CUX1: variants seen among roughly 807,000 people sequenced by gnomAD.
CUX1 encodes the protein protein CASP.
Under a neutral mutation model 158.8 loss-of-function variants are expected in CUX1, and 31 were observed. The observed-to-expected ratio is 0.20, with a 90% CI of 0.15 to 0.26. The LOEUF (loss-of-function observed/expected upper bound fraction) is 0.26. CUX1 is among the 10% of genes least tolerant of loss of function. The pLI is 1.00. For missense variants in CUX1, 1,589 were observed against 2,014.6 expected (o/e 0.79, Z 4.04); for synonymous variants, 879 against 862.1 (o/e 1.02, Z -0.34).
At chr7:101,824,219 G>C (rs926922504) in intron 1 of CUX1, among the ~76,000 whole-genome samples, 6 of 152,148 alleles carry the variant, frequency 3.9e-5, no homozygotes, top group African/African-American at 1.4e-4. Flanking sequence ...CCCCCGAGTA[G>C]CTGTGATTAC....
chr7:102,199,334 T>G (rs929964332), intron 16 of CUX1, among the ~76,000 whole-genome samples: 1 of 152,240 alleles, frequency 6.6e-6, no homozygotes, highest in South Asian at 2.1e-4. Context: ...GGTGGTATAC[T>G]TGTTTTGAAT....
chr7:101,989,194 C>T (rs1039796202), intron 2 of CUX1, among the ~76,000 whole-genome samples: 1 of 152,098 alleles, frequency 6.6e-6, no homozygotes, highest in African/African-American at 2.4e-5. Context: ...CTCATCCTGC[C>T]CGACTCTGTA....
rs1393488541 is a variant in CUX1 at position 101,931,090 on chromosome 7, C to T, written c.141+14865C>T. On this transcript the variant is annotated intron_variant, in intron 2 of 23. Transcript: ENST00000292535. ...CAGCCTGGATTTCAGAGCGAGACTCCGAGGTTCTGTGTGGCTGAGAGCCAC... is the reference window on the plus strand; with the variant it reads ...CAGCCTGGATTTCAGAGCGAGACTCTGAGGTTCTGTGTGGCTGAGAGCCAC... 2.0e-5 allele frequency among the ~76,000 whole-genome samples: 3 copies of T among 152,080 alleles called. No individual in the cohort carries two copies. The East Asian group carries it at 5.8e-4, about 29-fold the overall frequency.
At chr7:101,818,674 A>T (rs989571629) in intron 1 of CUX1, among the ~76,000 whole-genome samples, 1 of 152,104 alleles carries the variant, frequency 6.6e-6, no homozygotes, top group Non-Finnish European at 1.5e-5. Flanking sequence ...GTTGCTAACG[A>T]TTTGGCCTTA....
intron 22 of CUX1, 104 bp from the exon 23 acceptor site, chr7:102,239,216 A>C (rs1554533889): frequency 5.2e-6 from 7 of 1,340,132 alleles, no homozygotes; most frequent in Non-Finnish European, 3.0e-6. Context: ...TGCTCTATGC[A>C]AAGTCCTGCA....
At chr7:102,130,676 A>G (rs1244236517) in intron 8 of CUX1, among the ~76,000 whole-genome samples, 1 of 152,154 alleles carries the variant, frequency 6.6e-6, no homozygotes, top group Non-Finnish European at 1.5e-5. Context: ...GCAAGACTCC[A>G]TCTTATAAAA....
intron 8 of CUX1, among the ~76,000 whole-genome samples, chr7:102,121,386 C>T (rs1165122980): frequency 1.4e-5 from 2 of 145,232 alleles, no homozygotes; most frequent in African/African-American, 5.2e-5. Context: ...CGCTCTATTG[C>T]CCAGGCTGGA....
rs558718467 is a variant in CUX1 at position 102,249,819 on chromosome 7, G to C, written c.*777G>C. On this transcript the variant is annotated 3_prime_UTR_variant, in exon 24 of 24. Transcript: ENST00000292535. ...ATATTTTCAAGAAAAGAATCTTCTC[G>C]TTTGAAACTTTGAATTAAAATAAAA... 2 of 985,552 alleles carry C rather than the reference G, an allele frequency of 2.0e-6. No individual in the cohort carries two copies. Among genetic ancestry groups the C allele is most frequent in the South Asian group, 9.4e-5 (2 of 21,286 alleles). The allele number at this position is 985,552 out of a possible 1,614,324, so 61.1% of individuals were successfully genotyped here.
chr7:102,115,316 C>T, intron 8 of CUX1, 43 bp downstream of exon 8: 1 of 1,570,796 alleles, frequency 6.4e-7, no homozygotes, highest in Non-Finnish European at 8.7e-7. Flanking sequence ...ACACATTTCT[C>T]ACCTGATTTT....
At chr7:101,912,314 G>C (rs1803586921) in intron 1 of CUX1, among the ~76,000 whole-genome samples, 1 of 149,394 alleles carries the variant, frequency 6.7e-6, no homozygotes, top group African/African-American at 2.5e-5. Context: ...AGAAACAGCT[G>C]TTGTTTTGAC....
chr7:102,022,700 T>C (rs10274188), intron 2 of CUX1, among the ~76,000 whole-genome samples: 18,651 of 152,232 alleles, frequency 0.12, 1,216 homozygotes, highest in Non-Finnish European at 0.15. Flanking sequence ...TTATTTGCTG[T>C]GTACTCAAAG....
intron 4 of CUX1, among the ~76,000 whole-genome samples, chr7:102,079,105 C>G (rs1554477611): frequency 6.6e-6 from 1 of 152,146 alleles, no homozygotes; most frequent in Non-Finnish European, 1.5e-5. Context: ...CTGCCTGCCC[C>G]TCACTCAAAG....
chr7:102,172,376 GA>G (rs1207301955), intron 10 of CUX1, among the ~76,000 whole-genome samples: 2 of 150,916 alleles, frequency 1.3e-5, no homozygotes, highest in Non-Finnish European at 3.0e-5. Flanking sequence ...GCCACTGCGG[GA>G]TCTCACTCGG....
At chr7:102,238,197 A>C (rs1393250146) in intron 22 of CUX1, among the ~76,000 whole-genome samples, 1 of 151,886 alleles carries the variant, frequency 6.6e-6, no homozygotes, top group African/African-American at 2.4e-5. Flanking sequence ...TCCCCCGGGG[A>C]AAGGGATACT....
chr7:101,914,900 G>A (rs1208489230), intron 1 of CUX1, among the ~76,000 whole-genome samples: 2 of 152,190 alleles, frequency 1.3e-5, no homozygotes, highest in Admixed American at 1.3e-4. Context: ...CTTGTAACGT[G>A]TAGGTTTGCT....
intron 2 of CUX1, among the ~76,000 whole-genome samples, chr7:102,019,898 G>A (rs762740915): frequency 1.1e-4 from 16 of 152,174 alleles, no homozygotes; most frequent in South Asian, 2.1e-4. Flanking sequence ...CAAAAGCAGC[G>A]TGGCGGGTTA....
At position 101,956,717 on chromosome 7, in the gene CUX1, C is replaced by T. The variant is rs541337968; in HGVS notation, c.141+40492C>T. Among the ~76,000 whole-genome samples the T allele has an allele frequency of 7.2e-5, 11 of 152,330 alleles. No homozygotes were observed. The South Asian group carries it at 2.1e-3, about 29-fold the overall frequency. On this transcript the variant is annotated intron_variant, in intron 2 of 23. Coordinates refer to ENST00000292535, the MANE Select transcript of CUX1 (RefSeq NM_181552.4). ...ATCCCAGCACTTTGGGAGGCCGAAG[C>T]GGGCAGTGCGGGTTGAGTGCGGGAG...
chr7:101,947,648 A>C (rs1197403704), intron 2 of CUX1, among the ~76,000 whole-genome samples: 1 of 152,226 alleles, frequency 6.6e-6, no homozygotes, highest in Admixed American at 6.5e-5. Flanking sequence ...ATTTATTTCC[A>C]AAAAAGCCCA....
At chr7:101,919,080 T>G (rs1463948885) in intron 2 of CUX1, among the ~76,000 whole-genome samples, 1 of 152,140 alleles carries the variant, frequency 6.6e-6, no homozygotes, top group African/African-American at 2.4e-5. Flanking sequence ...CGCCCAGCCC[T>G]CCTGCTGGAA....
Sources: gnomAD v4.1 joint callset for allele counts (sites outside exome capture counted in the v4.1 genomes callset) on GRCh38, gnomAD v4.1.1 for gene constraint, MANE v1.5 for transcripts, NCBI Gene and HGNC (gene_info 2026-07-23, HGNC 2026-07-21) for gene names.